The following AMPH variants were observed in gnomAD, a reference collection of about 807,000 sequenced individuals.
AMPH encodes the protein amphiphysin, also known as amphiphysin (Stiff-Mann syndrome with breast cancer 128kD autoantigen).
Under a neutral mutation model 99.1 loss-of-function variants are expected in AMPH, and 49 were observed. The observed-to-expected ratio is 0.49, with a 90% CI of 0.39 to 0.63. The LOEUF (loss-of-function observed/expected upper bound fraction) is 0.63, where lower values mean the gene tolerates loss of function less well. AMPH is among the 20% of genes least tolerant of loss of function. The pLI, the probability that AMPH is intolerant of heterozygous loss-of-function variation, is 0.00. For missense variants in AMPH, 759 were observed against 863.4 expected (o/e 0.88, Z 1.52); for synonymous variants, 314 against 317.3 (o/e 0.99, Z 0.11).
At chr7:38,579,283 C>A (rs183513845) in intron 1 of AMPH, among the ~76,000 whole-genome samples, 24 of 152,322 alleles carry the variant, frequency 1.6e-4, no homozygotes, top group Admixed American at 5.2e-4. Flanking sequence ...TGGCCCCAGT[C>A]CAGGGCTGTC....
intron 17 of AMPH, among the ~76,000 whole-genome samples, chr7:38,394,837 T>G (rs1275667372): frequency 6.6e-6 from 1 of 152,256 alleles, no homozygotes; most frequent in Non-Finnish European, 1.5e-5. Context: ...CACAAGAATG[T>G]GACACTTGCC....
At chr7:38,591,278 CTTTTT>C (rs1792845617) in intron 1 of AMPH, among the ~76,000 whole-genome samples, 1 of 122,146 alleles carries the variant, frequency 8.2e-6, no homozygotes, top group South Asian at 2.4e-4. Flanking sequence ...CTTTTCTTTT[CTTTTT>C]CTTTTTCTTT....
chr7:38,401,934 T>C (rs750692561), intron 17 of AMPH, among the ~76,000 whole-genome samples: 31 of 152,150 alleles, frequency 2.0e-4, no homozygotes, highest in Non-Finnish European at 4.1e-4. Context: ...GATGAACTTC[T>C]ACCCATGAGC....
At chr7:38,441,835 CATATATCAT>C (rs376039234) in intron 11 of AMPH, among the ~76,000 whole-genome samples, 9 of 119,846 alleles carry the variant, frequency 7.5e-5, no homozygotes, top group African/African-American at 1.4e-4. Context: ...TCATATATAT[CATATATCAT>C]ATATATCATA....
At chr7:38,557,654 G>T (rs1189943128) in intron 1 of AMPH, among the ~76,000 whole-genome samples, 3 of 152,178 alleles carry the variant, frequency 2.0e-5, no homozygotes, top group Non-Finnish European at 2.9e-5. Context: ...TTAGCAGCAT[G>T]AGAACAGACT....
chr7:38,609,160 C>T (rs1031363312), intron 1 of AMPH, among the ~76,000 whole-genome samples: 3 of 151,976 alleles, frequency 2.0e-5, no homozygotes, highest in African/African-American at 4.8e-5. Context: ...TGTTCAGGCT[C>T]GACTCGGATA....
intron 5 of AMPH, among the ~76,000 whole-genome samples, chr7:38,483,102 A>C (rs981150943): frequency 2.6e-5 from 4 of 152,138 alleles, no homozygotes; most frequent in African/African-American, 9.6e-5. Context: ...CCTACTTCTC[A>C]GTGAAGAGTG....
At position 38,483,184 on chromosome 7, in the gene AMPH, T is replaced by C. The variant is rs542681267; in HGVS notation, c.397-6215A>G. Reference sequence around the variant, plus strand: ...CCCAAGGGAGTGCCTTCTACTTGCCTGTCTGGGATAGCTGTCAGGTCCAGC... The same window carrying C: ...CCCAAGGGAGTGCCTTCTACTTGCCCGTCTGGGATAGCTGTCAGGTCCAGC... On this transcript the variant is annotated intron_variant, in intron 5 of 20. Coordinates refer to ENST00000356264, the MANE Select transcript of AMPH (RefSeq NM_001635.4). Among the ~76,000 whole-genome samples the C allele has an allele frequency of 2.6e-5, 4 of 152,194 alleles. No homozygotes were observed. In the South Asian group the frequency reaches 8.3e-4, roughly 32 times the overall value.
At chr7:38,538,759 TGAA>T (rs1790703447) in intron 1 of AMPH, among the ~76,000 whole-genome samples, 2 of 152,302 alleles carry the variant, frequency 1.3e-5, no homozygotes, top group East Asian at 3.9e-4. Context: ...ATGAAAAAGA[TGAA>T]GGACAGAACA....
chr7:38,549,064 CT>C (rs1450190607), intron 1 of AMPH, among the ~76,000 whole-genome samples: 1 of 152,184 alleles, frequency 6.6e-6, no homozygotes, highest in Non-Finnish European at 1.5e-5. Context: ...ATTTTTCAGG[CT>C]GATTGTTTTT....
At position 38,578,942 on chromosome 7, in the gene AMPH, T is replaced by C. The variant is rs367905524; in HGVS notation, c.70-43931A>G. Reference sequence around the variant, plus strand: ...TTCTTTTATTTACTTCTGCTTTGAATCTGTTGAGATATTGCATGTCATACA... The same window carrying C: ...TTCTTTTATTTACTTCTGCTTTGAACCTGTTGAGATATTGCATGTCATACA... On this transcript the variant is annotated intron_variant, in intron 1 of 20. Coordinates refer to ENST00000356264, the MANE Select transcript of AMPH (RefSeq NM_001635.4). Among the ~76,000 whole-genome samples the C allele has an allele frequency of 1.1e-3, 160 of 152,324 alleles. 3 individuals carry two copies. In the South Asian group the frequency reaches 0.031, roughly 30 times the overall value.
chr7:38,590,828 C>A, intron 1 of AMPH, among the ~76,000 whole-genome samples: 1 of 152,122 alleles, frequency 6.6e-6, no homozygotes, highest in Non-Finnish European at 1.5e-5. Context: ...CAAAAGGTGG[C>A]TCTATTGAGG....
chr7:38,491,533 C>A (rs1211507478), intron 4 of AMPH, among the ~76,000 whole-genome samples: 1 of 152,156 alleles, frequency 6.6e-6, no homozygotes, highest in East Asian at 1.9e-4. Context: ...CTGAAACAAA[C>A]AACAAATCAT....
At chr7:38,571,093 TG>T (rs568744055) in intron 1 of AMPH, among the ~76,000 whole-genome samples, 1,014 of 66,196 alleles carry the variant, frequency 0.015, 197 homozygotes, top group African/African-American at 0.062. Context: ...ATTCATATAT[TG>T]AATATATATA....
intron 1 of AMPH, among the ~76,000 whole-genome samples, chr7:38,620,601 T>C (rs886745413): frequency 4.8e-5 from 7 of 146,910 alleles, no homozygotes; most frequent in Non-Finnish European, 1.0e-4. Context: ...GTGCAATTGA[T>C]TAAATGTTGA....
At chr7:38,536,839 A>C (rs1385433413) in intron 1 of AMPH, among the ~76,000 whole-genome samples, 1 of 152,134 alleles carries the variant, frequency 6.6e-6, no homozygotes, top group Non-Finnish European at 1.5e-5. Flanking sequence ...AATACACTGC[A>C]TTTTTGGAAG....
At chr7:38,548,203 G>T (rs1385196427) in intron 1 of AMPH, among the ~76,000 whole-genome samples, 1 of 151,756 alleles carries the variant, frequency 6.6e-6, no homozygotes, top group Non-Finnish European at 1.5e-5. Flanking sequence ...TAATTTTTTT[G>T]TATTTTTAGT....
At chr7:38,621,170 A>C (rs1013523932) in intron 1 of AMPH, among the ~76,000 whole-genome samples, 4 of 152,204 alleles carry the variant, frequency 2.6e-5, no homozygotes, top group African/African-American at 9.7e-5. Context: ...TTAGGATCTT[A>C]GCTTGAAATC....
At chr7:38,438,427 C>T (rs1404932522) in intron 11 of AMPH, among the ~76,000 whole-genome samples, 1 of 152,122 alleles carries the variant, frequency 6.6e-6, no homozygotes, top group Non-Finnish European at 1.5e-5. Flanking sequence ...GTAGTTGGTA[C>T]CTCTGACTCC....
Sources: gnomAD v4.1 joint callset for allele counts (sites outside exome capture counted in the v4.1 genomes callset) on GRCh38, gnomAD v4.1.1 for gene constraint, MANE v1.5 for transcripts, NCBI Gene and HGNC (gene_info 2026-07-23, HGNC 2026-07-21) for gene names.